The following CRYBB3 variants were observed in gnomAD, a reference collection of about 807,000 sequenced individuals.
The protein encoded by CRYBB3 is beta-crystallin B3.
Under a neutral mutation model 28.3 loss-of-function variants are expected in CRYBB3, and 35 were observed. The ratio of observed to expected loss-of-function variants is 1.24; its 90% CI spans 0.95 to 1.64. CRYBB3 has a LOEUF of 1.64. CRYBB3 is among the 40% of genes most tolerant of loss of function. The pLI is 0.00. For missense variants in CRYBB3, 296 were observed against 297.4 expected, an observed-to-expected ratio of 1.00 and a Z score of 0.04; for synonymous variants, 106 against 110.4, an observed-to-expected ratio of 0.96 and a Z score of 0.25.
At position 25,205,312 on chromosome 22, in the gene CRYBB3, G is replaced by A. The variant is rs888316997; in HGVS notation, c.420G>A (p.Trp140Ter). The part of the protein sequence containing the change: ...EIVDDDVPSL[W>*]AHGFQDRVAS... ...TGGATGATGACGTGCCCAGCCTGTG[G>A]GCTCATGGCTTCCAGGACCGTGTGG... Residue 140 changes from tryptophan (W) to a stop codon, truncating the protein, a stop_gained, in exon 5 of 6, where the codon TGG (tryptophan) becomes TGA (stop). Transcript: ENST00000215855. LOFTEE classifies it high-confidence loss of function. The A allele has an allele frequency of 1.9e-6, 3 of 1,613,996 alleles. No individual in the cohort carries two copies. The highest frequency in any genetic ancestry group is 1.3e-5 in the African/African-American group (1 of 74,910).
chr22:25,207,099 C>A lies in CRYBB3; in HGVS notation c.523C>A (p.Arg175=). The change falls in exon 6 of 6, where the codon CGG becomes AGG. Residue 175 remains arginine (R), a synonymous_variant. Transcript: ENST00000215855. ...CCGTGGGCGCCAGTACGTGTTTGAG[C>A]GGGGCGAGTACCGCCACTGGAATGA... ...GYRGRQYVFE[R]GEYRHWNEWD... is the part of the protein sequence containing the mutation. 1.9e-6 allele frequency: 3 copies of A among 1,612,432 alleles called. 1 individual carries two copies. The highest frequency in any genetic ancestry group is 2.2e-5 in the South Asian group (2 of 91,042).
chr22:25,207,184 A>G lies in CRYBB3; in HGVS notation c.608A>G (p.His203Arg). Residue 203 changes from histidine (H) to arginine (R), a missense_variant, in exon 6 of 6, where the codon CAC (histidine) becomes CGC (arginine). His to Arg is a conservative substitution (Grantham distance 29). Coordinates refer to ENST00000215855, the MANE Select transcript of CRYBB3 (RefSeq NM_004076.5). ...CGCCGCATCCGTGACCAGAAGTGGCACAAGCGGGGCCGCTTCCCCAGCAGC... is the reference window on the plus strand; with the variant it reads ...CGCCGCATCCGTGACCAGAAGTGGCGCAAGCGGGGCCGCTTCCCCAGCAGC... The part of the protein sequence containing the change: ...SVRRIRDQKW[H>R]KRGRFPSS 6.2e-7 allele frequency: 1 copy of G among 1,613,522 alleles called. No homozygotes were observed. Among genetic ancestry groups the G allele is most frequent in the Non-Finnish European group, 8.5e-7 (1 of 1,179,898 alleles).
intron 1 of CRYBB3, among the ~76,000 whole-genome samples, chr22:25,200,266 C>T (rs911462890): frequency 3.3e-5 from 5 of 152,082 alleles, no homozygotes; most frequent in Non-Finnish European, 4.4e-5. Flanking sequence ...GAGACAGAAC[C>T]GACAGCCCGC....
intron 3 of CRYBB3, 39 bp from the exon 4 acceptor site, chr22:25,203,724 G>T: frequency 7.4e-6 from 12 of 1,613,460 alleles, no homozygotes; most frequent in Non-Finnish European, 9.3e-6. Context: ...TTCCTCAGCT[G>T]CAGCAAAGGT....
chr22:25,207,074 C>T lies in CRYBB3; in HGVS notation c.498C>T (p.Tyr166=), dbSNP rs1337119072. The part of the protein sequence containing the change: ...GTWVGYEFPG[Y]RGRQYVFERG... Reference sequence around the variant, plus strand: ...GGGTTGGCTATGAGTTCCCCGGCTACCGTGGGCGCCAGTACGTGTTTGAGC... The same window carrying T: ...GGGTTGGCTATGAGTTCCCCGGCTATCGTGGGCGCCAGTACGTGTTTGAGC... The change falls in exon 6 of 6, where the codon TAC becomes TAT. Residue 166 remains tyrosine (Y), a synonymous_variant. Transcript: ENST00000215855. 1 of 1,613,706 alleles carries T rather than the reference C, an allele frequency of 6.2e-7. No homozygotes were observed.
chr22:25,207,272 G>C lies in CRYBB3; in HGVS notation c.*60G>C. Reference sequence around the variant, plus strand: ...TGGGGGGCTGCAAGGGCAAGAAGAGGAGGCTCCAGGGTTGGGGCGAGGGCC... The same window carrying C: ...TGGGGGGCTGCAAGGGCAAGAAGAGCAGGCTCCAGGGTTGGGGCGAGGGCC... On this transcript the variant is annotated 3_prime_UTR_variant, in exon 6 of 6. Transcript: ENST00000215855. 1.3e-6 allele frequency: 2 copies of C among 1,511,878 alleles called. No individual in the cohort carries two copies. 93.7% of individuals were successfully genotyped at this position (1,511,878 alleles called of 1,614,324 possible).
chr22:25,201,875 A>G (rs5752079), intron 2 of CRYBB3, among the ~76,000 whole-genome samples: 9,323 of 152,174 alleles, frequency 0.061, 393 homozygotes, highest in African/African-American at 0.12. Context: ...GTGCCCAGAT[A>G]TTGTGCCCAG....
chr22:25,199,932 G>GGT (rs1024101533), intron 1 of CRYBB3, 23 bp downstream of exon 1: 3 of 152,286 alleles, frequency 2.0e-5, no homozygotes, highest in Admixed American at 2.0e-4. Flanking sequence ...ATGGGTTGGG[G>GGT]GTGGGGAGGC....
Position 25,201,489 on chromosome 22 carries a change from G to T in CRYBB3, c.75+18G>T. The T allele has an allele frequency of 6.2e-7, 1 of 1,611,466 alleles. No individual in the cohort carries two copies. The highest frequency in any genetic ancestry group is 8.5e-7 in the Non-Finnish European group (1 of 1,178,760). On this transcript the variant is annotated intron_variant, in intron 2 of 5. Transcript: ENST00000215855. ...GCTACAAGGTACTGGGCAGGGAGGG[G>T]GTCAGAGGGCCCAGGCTACTCCTGG...
At chr22:25,200,286 A>G (rs1417408610) in intron 1 of CRYBB3, among the ~76,000 whole-genome samples, 3 of 151,790 alleles carry the variant, frequency 2.0e-5, no homozygotes, top group Non-Finnish European at 2.9e-5. Context: ...CAGGCTGTGC[A>G]TGGTTAGGCC....
At chr22:25,201,148 GA>G (rs1784587232) in intron 1 of CRYBB3, among the ~76,000 whole-genome samples, 1 of 152,110 alleles carries the variant, frequency 6.6e-6, no homozygotes, top group Non-Finnish European at 1.5e-5. Flanking sequence ...TCACTTTGCT[GA>G]GCCTCAGAGT....
At chr22:25,205,384 C>T (rs1335361284) in intron 5 of CRYBB3, 22 bp downstream of exon 5, 10 of 1,613,328 alleles carry the variant, frequency 6.2e-6, no homozygotes, top group South Asian at 1.1e-5. Flanking sequence ...AACCCTCACC[C>T]TTGCCCCATC....
intron 4 of CRYBB3, 64 bp downstream of exon 4, chr22:25,203,959 G>A: frequency 6.2e-7 from 1 of 1,602,374 alleles, no homozygotes. Context: ...GAGCTGGTCA[G>A]GCAGCTCATT....
In CRYBB3 at chr22:25,207,056, C is replaced by T. The variant is rs1418790428; in HGVS notation, c.480C>T (p.Gly160=). The change falls in exon 6 of 6, where the codon GGC becomes GGT. Residue 160 remains glycine (G), a synonymous_variant. Transcript: ENST00000215855. ...CTTGGTCTCCCGGCAGGTGGGTTGG[C>T]TATGAGTTCCCCGGCTACCGTGGGC... ...SVRAINGTWV[G]YEFPGYRGRQ... The T allele has an allele frequency of 1.2e-6, 2 of 1,613,254 alleles. No individual in the cohort carries two copies. The highest frequency in any genetic ancestry group is 1.7e-5 in the Admixed American group (1 of 60,004).
At position 25,205,244 on chromosome 22, in the gene CRYBB3, C is replaced by G; in HGVS notation, c.352C>G (p.Leu118Val). The G allele has an allele frequency of 6.2e-7, 1 of 1,614,082 alleles. No homozygotes were observed. The highest frequency in any genetic ancestry group is 1.1e-5 in the South Asian group (1 of 91,064). The change falls in exon 5 of 6, where the codon CTG (leucine) becomes GTG (valine). Residue 118 changes from leucine (L) to valine (V), a missense_variant. By Grantham distance (32) the Leu-to-Val change is conservative. Coordinates refer to ENST00000215855, the MANE Select transcript of CRYBB3 (RefSeq NM_004076.5). The stretch of plus-strand genomic sequence containing the variant: ...GGATAGTCCACATCACAAGCTGCAT[C>G]TGTTTGAGAACCCAGCTTTCAGTGG... ...NIDSPHHKLHLFENPAFSGRK... is the reference protein window; with the variant it reads ...NIDSPHHKLHVFENPAFSGRK...
chr22:25,206,273 G>A (rs1935032187), intron 5 of CRYBB3, among the ~76,000 whole-genome samples: 1 of 152,180 alleles, frequency 6.6e-6, no homozygotes, highest in African/African-American at 2.4e-5. Context: ...TGCGTAGTCT[G>A]GGGCTCACGC....
intron 1 of CRYBB3, among the ~76,000 whole-genome samples, chr22:25,200,827 G>A (rs930171488): frequency 3.3e-5 from 5 of 152,166 alleles, no homozygotes; most frequent in African/African-American, 1.2e-4. Flanking sequence ...TCCACCTCCC[G>A]ACATATGGGG....
rs886645717 is a variant in CRYBB3, at chr22:25,206,372, C to T, written c.471-675C>T. Among the ~76,000 whole-genome samples the T allele has an allele frequency of 3.9e-5, 6 of 152,120 alleles. 1 individual carries two copies. The South Asian group carries it at 1.0e-3, about 26-fold the overall frequency. ...CAGCCTGACCACCACGGAGAAACCCCGTCTCTACTAAAAATACAAAATTAG... is the reference window on the plus strand; with the variant it reads ...CAGCCTGACCACCACGGAGAAACCCTGTCTCTACTAAAAATACAAAATTAG... On this transcript the variant is annotated intron_variant, in intron 5 of 5. Coordinates refer to ENST00000215855, the MANE Select transcript of CRYBB3 (RefSeq NM_004076.5).
At chr22:25,202,343 A>G (rs78963248) in intron 2 of CRYBB3, among the ~76,000 whole-genome samples, 1 of 152,074 alleles carries the variant, frequency 6.6e-6, no homozygotes, top group African/African-American at 2.4e-5. Flanking sequence ...ACCTCTCTTG[A>G]AAAAATTGGA....
Sources: allele counts gnomAD v4.1 joint callset (sites outside exome capture counted in the v4.1 genomes callset), GRCh38; gene constraint gnomAD v4.1.1; transcripts MANE v1.5; gene names NCBI Gene and HGNC (gene_info 2026-07-23, HGNC 2026-07-21).